Variants in CNNM4 observed in about 807,000 individuals in gnomAD.
The protein encoded by CNNM4 is metal transporter CNNM4.
In CNNM4, 32 loss-of-function variants were observed where a neutral mutation model predicts 53.7. That is an observed-to-expected ratio of 0.60 (90% CI 0.45 to 0.80). The LOEUF is 0.80. CNNM4 is among the 30% of genes least tolerant of loss of function. The probability of loss-of-function intolerance (pLI) is 0.00; values close to 1 mark genes in which losing one functional copy is unlikely to be tolerated. For missense variants in CNNM4, 784 were observed against 1,022.0 expected, an observed-to-expected ratio of 0.77 and a Z score of 3.17; for synonymous variants, 410 against 440.0, an observed-to-expected ratio of 0.93 and a Z score of 0.85.
At chr2:96,775,075 T>A (rs953980696) in intron 1 of CNNM4, among the ~76,000 whole-genome samples, 3 of 150,944 alleles carry the variant, frequency 2.0e-5, no homozygotes, top group Non-Finnish European at 4.4e-5. Flanking sequence ...AGATTTTTTT[T>A]AGGTAAACTT....
At chr2:96,765,886 C>T (rs1451643360) in intron 1 of CNNM4, among the ~76,000 whole-genome samples, 8 of 151,524 alleles carry the variant, frequency 5.3e-5, no homozygotes, top group African/African-American at 1.5e-4. Flanking sequence ...CCTCCACCTC[C>T]GATTCTCCTG....
chr2:96,761,409 A>G lies in CNNM4; in HGVS notation c.410A>G (p.Lys137Arg), dbSNP rs752806783. 11 of 1,614,012 alleles carry G rather than the reference A, an allele frequency of 6.8e-6. No homozygotes were observed. Among genetic ancestry groups the G allele is most frequent in the East Asian group, 2.2e-5 (1 of 44,844 alleles). The change falls in exon 1 of 7, where the codon AAG becomes AGG. Residue 137 changes from lysine (K) to arginine (R), a missense_variant. Around this residue, in one of 3 missense-constraint regions of CNNM4, gnomAD observed 473 missense variants for 624.6 expected, o/e 0.76. Coordinates refer to ENST00000377075, the MANE Select transcript of CNNM4 (RefSeq NM_020184.4). This position sits in a 1 kb window ranked among gnomAD's most constrained non-coding sequence, Gnocchi z 6.0. ...NTSGVLVVLT[K>R]FLRRSESMKL... ...TCCGGCGTGCTGGTGGTGCTCACCA[A>G]GTTCCTCCGGAGGAGCGAGAGCATG... is the stretch of plus-strand genomic sequence containing the variant.
chr2:96,780,436 T>C (rs2078964256), intron 1 of CNNM4, among the ~76,000 whole-genome samples: 1 of 150,742 alleles, frequency 6.6e-6, no homozygotes, highest in Non-Finnish European at 1.5e-5. Context: ...TTTTTTTTTT[T>C]CTTTTTTAGA....
chr2:96,789,669 G>T (rs2079043539), intron 1 of CNNM4, among the ~76,000 whole-genome samples: 1 of 152,042 alleles, frequency 6.6e-6, no homozygotes, highest in Non-Finnish European at 1.5e-5. Context: ...AGAGGAAGCG[G>T]TATTAGAATT....
intron 1 of CNNM4, among the ~76,000 whole-genome samples, chr2:96,781,557 T>G (rs2078975563): frequency 6.6e-6 from 1 of 152,192 alleles, no homozygotes; most frequent in Non-Finnish European, 1.5e-5. Context: ...GGATGAGGCT[T>G]TGTCGGTCCT....
intron 6 of CNNM4, chr2:96,809,102 G>T (rs994148263): frequency 9.8e-7 from 1 of 1,023,820 alleles, no homozygotes; most frequent in Non-Finnish European, 1.4e-6. Flanking sequence ...TCAGCCTCCT[G>T]AAGTGCTGGG....
At chr2:96,772,023 A>AG (rs1459915889) in intron 1 of CNNM4, among the ~76,000 whole-genome samples, 2 of 152,102 alleles carry the variant, frequency 1.3e-5, no homozygotes, top group Non-Finnish European at 2.9e-5. Context: ...TTTACTGTGA[A>AG]GGGGTAGGGT....
rs766813263 is a variant in CNNM4, at chr2:96,797,145, C to T, written c.1536C>T (p.Ser512=). The T allele has an allele frequency of 1.2e-5, 20 of 1,614,006 alleles. No homozygotes were observed. In the African/African-American group the frequency reaches 1.3e-4, roughly 11 times the overall value. Residue 512 remains serine, a synonymous_variant, in exon 2 of 7, where the codon TCC becomes TCT. Transcript: ENST00000377075. This position sits in a 1 kb window ranked among gnomAD's most constrained non-coding sequence, Gnocchi z 6.0. ...TCAAGTCGGAGATCCTGGACGAGTC[C>T]GACATGTACAGTGAGTCCAGCCTTC... ...EIIKSEILDE[S]DMYTDNRSRK... is the part of the protein sequence containing the mutation.
chr2:96,803,815 T>G (rs2079178907), intron 5 of CNNM4, among the ~76,000 whole-genome samples: 1 of 152,188 alleles, frequency 6.6e-6, no homozygotes, highest in Non-Finnish European at 1.5e-5. Context: ...TAGAAAAAAG[T>G]CTTGAAAAAA....
chr2:96,768,125 G>A (rs1212124847), intron 1 of CNNM4, among the ~76,000 whole-genome samples: 1 of 152,178 alleles, frequency 6.6e-6, no homozygotes, highest in African/African-American at 2.4e-5. Flanking sequence ...TCTAGGCTGT[G>A]TCAGATTTTC....
rs1473734672 is a variant in CNNM4 at position 96,801,608 on chromosome 2, A to C, written c.1948+1960A>C. 6.8e-6 allele frequency among the ~76,000 whole-genome samples: 1 copy of C among 146,592 alleles called. No individual in the cohort carries two copies. Among genetic ancestry groups the C allele is most frequent in the African/African-American group, 2.6e-5 (1 of 38,496 alleles). ...ACACAGAGAGACCACACACACAGAGACCACACACAGAGACCACACGCAGAG... is the reference window on the plus strand; with the variant it reads ...ACACAGAGAGACCACACACACAGAGCCCACACACAGAGACCACACGCAGAG... On this transcript the variant is annotated intron_variant, in intron 5 of 6. Coordinates refer to ENST00000377075, the MANE Select transcript of CNNM4 (RefSeq NM_020184.4). This position sits in a 1 kb window ranked among gnomAD's most constrained non-coding sequence, Gnocchi z 5.6.
chr2:96,785,452 C>T (rs983487464), intron 1 of CNNM4, among the ~76,000 whole-genome samples: 1 of 151,270 alleles, frequency 6.6e-6, no homozygotes, highest in Non-Finnish European at 1.5e-5. Flanking sequence ...ACCTGGGCAA[C>T]ATGGCGAAAC....
chr2:96,787,383 A>G (rs1432317206), intron 1 of CNNM4, among the ~76,000 whole-genome samples: 1 of 152,126 alleles, frequency 6.6e-6, no homozygotes, highest in East Asian at 1.9e-4. Flanking sequence ...TTTTGTTTGT[A>G]TTTATTGTAT....
At chr2:96,786,568 C>G (rs1485996795) in intron 1 of CNNM4, among the ~76,000 whole-genome samples, 1 of 151,388 alleles carries the variant, frequency 6.6e-6, no homozygotes, top group Non-Finnish European at 1.5e-5. Context: ...CACTTGAGGT[C>G]AGGAGTTCCA....
intron 1 of CNNM4, among the ~76,000 whole-genome samples, chr2:96,784,080 GT>G: frequency 6.6e-6 from 1 of 152,216 alleles, no homozygotes; most frequent in African/African-American, 2.4e-5. Context: ...AAAAAACTCT[GT>G]CTCTACGAAA....
chr2:96,778,989 C>T (rs1042572620), intron 1 of CNNM4, among the ~76,000 whole-genome samples: 1 of 152,050 alleles, frequency 6.6e-6, no homozygotes, highest in Non-Finnish European at 1.5e-5. Flanking sequence ...TGGAGTCTCG[C>T]TCTGTTGCCC....
At chr2:96,763,114 C>G (rs949375732) in intron 1 of CNNM4, among the ~76,000 whole-genome samples, 1 of 152,118 alleles carries the variant, frequency 6.6e-6, no homozygotes, top group Admixed American at 6.6e-5. Flanking sequence ...CCAAGTAGCG[C>G]TTTCGACTAT....
Position 96,761,538 on chromosome 2 carries a change from T to C in CNNM4, c.539T>C (p.Leu180Pro). The C allele has an allele frequency of 6.2e-7, 1 of 1,614,072 alleles. No individual in the cohort carries two copies. Among genetic ancestry groups the C allele is most frequent in the South Asian group, 1.1e-5 (1 of 91,084 alleles). ...ATGGTGGAGGAGCCTGGGAGGTTCC[T>C]GCCTCTCTGGCTGCACATTCTCCTA... Reference protein sequence around the residue: ...LFMVEEPGRFLPLWLHILLIT... With the variant: ...LFMVEEPGRFPPLWLHILLIT... Residue 180 changes from leucine (L) to proline (P), a missense_variant, in exon 1 of 7, where the codon CTG (leucine) becomes CCG (proline). Coordinates refer to ENST00000377075, the MANE Select transcript of CNNM4 (RefSeq NM_020184.4). The surrounding 1 kb of genome is among the most constrained non-coding windows in gnomAD (Gnocchi z 6.0).
chr2:96,797,779 C>G lies in CNNM4; in HGVS notation c.1681+132C>G. 8.0e-7 allele frequency: 1 copy of G among 1,257,366 alleles called. No homozygotes were observed. Among genetic ancestry groups the G allele is most frequent in the Non-Finnish European group, 1.1e-6 (1 of 891,932 alleles). 77.9% of individuals were successfully genotyped at this position (1,257,366 alleles called of 1,614,324 possible). A position where few individuals can be genotyped will look rare whatever the true frequency, so the allele number is the denominator to read the frequency against. ...GGGGTGCAGAGACAACACAGCCACC[C>G]CTGGAAGGGGCCGGGTATCTGCTCC... is the stretch of plus-strand genomic sequence containing the variant. On this transcript the variant is annotated intron_variant, in intron 3 of 6. Coordinates refer to ENST00000377075, the MANE Select transcript of CNNM4 (RefSeq NM_020184.4). The surrounding 1 kb of genome is among the most constrained non-coding windows in gnomAD (Gnocchi z 6.0).
Sources: allele counts gnomAD v4.1 joint callset (sites outside exome capture counted in the v4.1 genomes callset), GRCh38; gene constraint gnomAD v4.1.1; regional missense constraint gnomAD v4.1.1; non-coding constraint Gnocchi (gnomAD v3.1); transcripts MANE v1.5; gene names NCBI Gene and HGNC (gene_info 2026-07-23, HGNC 2026-07-21).